The following BTRC variants were observed in gnomAD, a reference collection of about 807,000 sequenced individuals.
The protein encoded by BTRC is beta-transducin repeat containing E3 ubiquitin protein ligase.
Under a neutral mutation model 85.5 loss-of-function variants are expected in BTRC, and 42 were observed. The ratio of observed to expected loss-of-function variants is 0.49; its 90% CI spans 0.38 to 0.64. The LOEUF is 0.64. BTRC is among the 30% of genes least tolerant of loss of function. The pLI, the probability that BTRC is intolerant of heterozygous loss-of-function variation, is 0.00. For missense variants in BTRC, 594 were observed against 743.5 expected, an observed-to-expected ratio of 0.80 and a Z score of 2.34; for synonymous variants, 255 against 263.3, an observed-to-expected ratio of 0.97 and a Z score of 0.30.
chr10:101,535,491 G>C lies in BTRC; in HGVS notation c.1466+19G>C, dbSNP rs1308095980. 1 of 1,506,548 alleles carries C rather than the reference G, an allele frequency of 6.6e-7. No homozygotes were observed. The highest frequency in any genetic ancestry group is 1.7e-5 in the Admixed American group (1 of 58,330). The allele number at this position is 1,506,548 out of a possible 1,614,324, so 93.3% of individuals were successfully genotyped here. A position where few individuals can be genotyped will look rare whatever the true frequency, so the allele number is the denominator to read the frequency against. ...CTATCAGGTGAGCAGCAAGTGCCTT[G>C]TATCATAAGGGATCAATATTATGCT... is the stretch of plus-strand genomic sequence containing the variant. On this transcript the variant is annotated intron_variant, in intron 11 of 14. Coordinates refer to ENST00000370187, the MANE Select transcript of BTRC (RefSeq NM_033637.4).
chr10:101,364,775 A>G (rs1024647339), intron 1 of BTRC: 2 of 152,042 alleles, frequency 1.3e-5, no homozygotes, highest in Non-Finnish European at 2.9e-5. Flanking sequence ...ATATACTAGT[A>G]AATACACAGA....
chr10:101,473,132 G>A lies in BTRC; in HGVS notation c.235-6236G>A, dbSNP rs575705715. On this transcript the variant is annotated intron_variant, in intron 3 of 14. Transcript: ENST00000370187. Reference sequence around the variant, plus strand: ...ATTGTCCCACACAGTGACTAAGACCGATCTTTTTTTTTTCTTTTCTTAATC... The same window carrying A: ...ATTGTCCCACACAGTGACTAAGACCAATCTTTTTTTTTTCTTTTCTTAATC... Among the ~76,000 whole-genome samples, 32 of 132,570 alleles carry A rather than the reference G, an allele frequency of 2.4e-4. No individual in the cohort carries two copies. In the South Asian group the frequency reaches 4.1e-3, roughly 17 times the overall value. 87.0% of individuals were successfully genotyped at this position (132,570 alleles called of 152,430 possible). A position where few individuals can be genotyped will look rare whatever the true frequency, so the allele number is the denominator to read the frequency against.
In BTRC at chr10:101,479,398, A is replaced by C. The variant is rs1335498656; in HGVS notation, c.265A>C (p.Asn89His). 3 of 1,613,334 alleles carry C rather than the reference A, an allele frequency of 1.9e-6. No homozygotes were observed. The highest frequency in any genetic ancestry group is 2.5e-6 in the Non-Finnish European group (3 of 1,179,564). Residue 89 changes from asparagine (N) to histidine (H), a missense_variant, in exon 4 of 15, where the codon AAC (asparagine) becomes CAC (histidine). This residue lies in a region of BTRC where 163 missense variants were observed against 180.5 expected (regional missense o/e 0.90). Coordinates refer to ENST00000370187, the MANE Select transcript of BTRC (RefSeq NM_033637.4). ...CAACAGCTGTGCCAGACTCTGCTTA[A>C]ACCAAGAAACAGTATGTTTAGCAAG... ...TYNSCARLCL[N>H]QETVCLASTA... is the part of the protein sequence containing the mutation.
chr10:101,368,621 A>C (rs1466316393), intron 1 of BTRC, among the ~76,000 whole-genome samples: 2 of 151,918 alleles, frequency 1.3e-5, no homozygotes, highest in Non-Finnish European at 2.9e-5. Flanking sequence ...CTAGGACTAC[A>C]GGCATGTGCC....
chr10:101,517,943 C>T (rs1456290228), intron 4 of BTRC, among the ~76,000 whole-genome samples: 3 of 139,964 alleles, frequency 2.1e-5, no homozygotes, highest in East Asian at 2.3e-4. Context: ...GACGGAGTCT[C>T]GCTCTGTCGC....
chr10:101,532,369 A>C lies in BTRC; in HGVS notation c.915A>C (p.Gly305=), dbSNP rs2062297755. 1 of 1,613,918 alleles carries C rather than the reference A, an allele frequency of 6.2e-7. No individual in the cohort carries two copies. The highest frequency in any genetic ancestry group is 1.3e-5 in the African/African-American group (1 of 75,044). ...ACTGCCGAAGTGAAACAAGCAAAGG[A>C]GTTTACTGTTTACAGTATGATGATC... The part of the protein sequence containing the change: ...RIHCRSETSK[G]VYCLQYDDQK... Residue 305 remains glycine (G), a synonymous_variant, in exon 8 of 15, where the codon GGA becomes GGC. Transcript: ENST00000370187.
chr10:101,405,991 C>T (rs1943609678), intron 1 of BTRC, among the ~76,000 whole-genome samples: 1 of 152,066 alleles, frequency 6.6e-6, no homozygotes, highest in African/African-American at 2.4e-5. Flanking sequence ...TTCTTTGTTG[C>T]TTATTCTATC....
intron 1 of BTRC, among the ~76,000 whole-genome samples, chr10:101,415,459 CTTTTATTTTA>C (rs1159966259): frequency 1.3e-4 from 14 of 105,750 alleles, no homozygotes; most frequent in African/African-American, 5.9e-4. Context: ...CCAGCCACCA[CTTTTATTTTA>C]TTTTATTTTA....
chr10:101,539,660 T>G (rs2062437857), intron 13 of BTRC, among the ~76,000 whole-genome samples: 1 of 152,240 alleles, frequency 6.6e-6, no homozygotes, highest in Non-Finnish European at 1.5e-5. Flanking sequence ...GAATGTATGC[T>G]TTTTGCTTTT....
chr10:101,535,183 T>A (rs1255064327), intron 10 of BTRC, among the ~76,000 whole-genome samples, 171 bp from the exon 11 acceptor site: 1 of 152,224 alleles, frequency 6.6e-6, no homozygotes, highest in African/African-American at 2.4e-5. Flanking sequence ...AACAGCCAAC[T>A]GCAAATTAGC....
At chr10:101,470,089 G>A (rs1175370685) in intron 3 of BTRC, among the ~76,000 whole-genome samples, 1 of 152,036 alleles carries the variant, frequency 6.6e-6, no homozygotes, top group Non-Finnish European at 1.5e-5. Flanking sequence ...GTGCTTATTG[G>A]TTATTCAGAC....
intron 1 of BTRC, among the ~76,000 whole-genome samples, chr10:101,360,526 A>G (rs1016708969): frequency 1.3e-5 from 2 of 151,954 alleles, no homozygotes; most frequent in African/African-American, 2.4e-5. Flanking sequence ...GGCACCTGCC[A>G]TCATCCCTGA....
At chr10:101,367,947 G>A (rs1035065161) in intron 1 of BTRC, among the ~76,000 whole-genome samples, 8 of 152,090 alleles carry the variant, frequency 5.3e-5, no homozygotes, top group Non-Finnish European at 7.3e-5. Context: ...TATTTCTGTT[G>A]GGTAGGTACC....
intron 1 of BTRC, among the ~76,000 whole-genome samples, chr10:101,362,872 A>G (rs12412275): frequency 2.0e-5 from 3 of 152,266 alleles, no homozygotes; most frequent in Non-Finnish European, 2.9e-5. Flanking sequence ...AATTAAAAAC[A>G]ATACGTATAA....
chr10:101,475,180 G>T (rs955849539), intron 3 of BTRC, among the ~76,000 whole-genome samples: 2 of 152,154 alleles, frequency 1.3e-5, no homozygotes, highest in Non-Finnish European at 2.9e-5. Context: ...TATATATTTT[G>T]AAATAATTTT....
At chr10:101,485,409 A>G (rs1453107709) in intron 4 of BTRC, among the ~76,000 whole-genome samples, 2 of 152,226 alleles carry the variant, frequency 1.3e-5, no homozygotes, top group Non-Finnish European at 2.9e-5. Flanking sequence ...AGCCGCATTG[A>G]TTAGGCACGT....
intron 1 of BTRC, among the ~76,000 whole-genome samples, chr10:101,366,887 T>TA (rs1942423313): frequency 3.8e-5 from 1 of 26,546 alleles, no homozygotes; most frequent in African/African-American, 1.0e-4. Context: ...TTTATATATA[T>TA]TTATATATAT....
intron 1 of BTRC, among the ~76,000 whole-genome samples, chr10:101,384,354 A>T (rs934189499): frequency 6.6e-6 from 1 of 152,212 alleles, no homozygotes; most frequent in African/African-American, 2.4e-5. Flanking sequence ...TGAAGCAGCT[A>T]TTTCTTTCCG....
At chr10:101,514,923 T>G (rs1218696307) in intron 4 of BTRC, among the ~76,000 whole-genome samples, 1 of 152,226 alleles carries the variant, frequency 6.6e-6, no homozygotes, top group Non-Finnish European at 1.5e-5. Flanking sequence ...CCATCTTTTT[T>G]CAAAGGGTTT....
Sources: allele counts gnomAD v4.1 joint callset (sites outside exome capture counted in the v4.1 genomes callset), GRCh38; gene constraint gnomAD v4.1.1; regional missense constraint gnomAD v4.1.1; transcripts MANE v1.5; gene names NCBI Gene and HGNC (gene_info 2026-07-23, HGNC 2026-07-21).